Variants in SCARA5 observed in about 807,000 individuals in gnomAD.
The protein encoded by SCARA5 is scavenger receptor class A member 5, also known as scavenger receptor class A, member 5 (putative).
In SCARA5, 45 loss-of-function variants were observed where a neutral mutation model predicts 46.3. The ratio of observed to expected loss-of-function variants is 0.97; its 90% CI spans 0.76 to 1.24. The LOEUF is 1.24. Ranked by LOEUF, SCARA5 falls within the 50% of genes most tolerant of loss-of-function variation. The pLI is 0.00. For missense variants in SCARA5, 680 were observed against 689.0 expected, an observed-to-expected ratio of 0.99 and a Z score of 0.15; for synonymous variants, 333 against 306.5, an observed-to-expected ratio of 1.09 and a Z score of -0.90.
intron 2 of SCARA5, among the ~76,000 whole-genome samples, chr8:27,982,477 A>T (rs981067289): frequency 6.6e-6 from 1 of 152,122 alleles, no homozygotes; most frequent in African/African-American, 2.4e-5. Context: ...AGGCCGCTAG[A>T]GGCAGCTTGG....
chr8:27,942,978 G>A (rs1177179258), intron 3 of SCARA5, among the ~76,000 whole-genome samples: 1 of 152,152 alleles, frequency 6.6e-6, no homozygotes, highest in African/African-American at 2.4e-5. Flanking sequence ...TCTCAGATGA[G>A]AGTAAGAAGC....
chr8:27,897,085 C>T (rs1020434852), intron 7 of SCARA5, among the ~76,000 whole-genome samples: 1 of 85,448 alleles, frequency 1.2e-5, no homozygotes, highest in Non-Finnish European at 3.2e-5. Flanking sequence ...GAGTGAGACT[C>T]GGTCTCAAAA....
At chr8:27,906,875 T>C (rs1226131440) in intron 6 of SCARA5, among the ~76,000 whole-genome samples, 2 of 152,176 alleles carry the variant, frequency 1.3e-5, no homozygotes, top group Non-Finnish European at 1.5e-5. Context: ...AATTATTTTA[T>C]ATTTTGTAGA....
At chr8:27,903,554 G>A (rs190258256) in intron 7 of SCARA5, 4 of 152,372 alleles carry the variant, frequency 2.6e-5, no homozygotes, top group East Asian at 1.9e-4. Context: ...CATGGTTATC[G>A]CCCATGTGGG....
intron 3 of SCARA5, among the ~76,000 whole-genome samples, chr8:27,923,340 G>C (rs1183289395): frequency 6.6e-6 from 1 of 152,258 alleles, no homozygotes; most frequent in South Asian, 2.1e-4. Flanking sequence ...GTGTTCTCAC[G>C]ACTTCTGATA....
intron 3 of SCARA5, among the ~76,000 whole-genome samples, chr8:27,925,370 A>G (rs1314372595): frequency 2.6e-5 from 4 of 152,244 alleles, no homozygotes; most frequent in African/African-American, 9.6e-5. Flanking sequence ...CAAACCTGAC[A>G]AAAACAAGAA....
At chr8:27,971,418 G>C (rs1808446187) in intron 2 of SCARA5, among the ~76,000 whole-genome samples, 1 of 152,270 alleles carries the variant, frequency 6.6e-6, no homozygotes, top group Non-Finnish European at 1.5e-5. Context: ...TTATAAATTT[G>C]AAAACAGTGA....
chr8:27,958,740 T>A (rs762635290), intron 3 of SCARA5, among the ~76,000 whole-genome samples: 4 of 152,160 alleles, frequency 2.6e-5, no homozygotes, highest in Non-Finnish European at 5.9e-5. Flanking sequence ...GCTGACAAGA[T>A]CTGCATTTAA....
intron 2 of SCARA5, among the ~76,000 whole-genome samples, chr8:27,982,798 G>A (rs532524317): frequency 6.6e-6 from 1 of 152,246 alleles, no homozygotes; most frequent in Non-Finnish European, 1.5e-5. Flanking sequence ...CTCAGGGAGG[G>A]GACAGAGAAC....
intron 4 of SCARA5, 37 bp from the exon 5 acceptor site, chr8:27,909,780 C>T (rs1807342925): frequency 2.1e-6 from 3 of 1,438,252 alleles, no homozygotes; most frequent in Admixed American, 2.0e-5. Context: ...TTAGGGGGCT[C>T]CCTTCTGAAA....
chr8:27,984,945 A>C (rs1172084278), intron 2 of SCARA5, among the ~76,000 whole-genome samples: 1 of 152,078 alleles, frequency 6.6e-6, no homozygotes, highest in Non-Finnish European at 1.5e-5. Flanking sequence ...CCATCCATTC[A>C]TTCATCCATC....
chr8:27,938,294 C>A (rs2726958), intron 3 of SCARA5, among the ~76,000 whole-genome samples: 7,735 of 152,148 alleles, frequency 0.051, 264 homozygotes, highest in Non-Finnish European at 0.076. Flanking sequence ...CTTATCACTT[C>A]TGAACTGTGT....
intron 4 of SCARA5, among the ~76,000 whole-genome samples, chr8:27,915,476 G>A (rs907265792): frequency 3.3e-5 from 5 of 152,148 alleles, no homozygotes; most frequent in Non-Finnish European, 7.4e-5. Flanking sequence ...GAACAGAAAG[G>A]CCACTTTACC....
rs1178038711 is a variant in SCARA5, at chr8:27,921,601, TG to T, written c.885del (p.Ile296SerfsTer96). On this transcript the variant is annotated frameshift_variant, in exon 4 of 9. Coordinates refer to ENST00000354914, the MANE Select transcript of SCARA5 (RefSeq NM_173833.6). LOFTEE classifies it high-confidence loss of function. ...EDLRLKDWEH[S>X]IALRNISLAK... ...GCGAGGGAGATGTTCCGCAGTGCGA[TG>T]GAGTGCTCCCAGTCCTTGAGGCGCA... The T allele has an allele frequency of 6.3e-7, 1 of 1,584,284 alleles. No homozygotes were observed. Among genetic ancestry groups the T allele is most frequent in the Non-Finnish European group, 8.6e-7 (1 of 1,163,160 alleles).
intron 7 of SCARA5, among the ~76,000 whole-genome samples, chr8:27,886,750 G>A (rs1271723008): frequency 6.6e-6 from 1 of 152,154 alleles, no homozygotes; most frequent in Non-Finnish European, 1.5e-5. Context: ...CTTTTTCCCG[G>A]CAGTTTCTGC....
chr8:27,912,389 A>C (rs1807392519), intron 4 of SCARA5, among the ~76,000 whole-genome samples: 1 of 152,232 alleles, frequency 6.6e-6, no homozygotes, highest in Non-Finnish European at 1.5e-5. Flanking sequence ...CAGGGAAAAA[A>C]GTAGTCAACA....
intron 2 of SCARA5, among the ~76,000 whole-genome samples, chr8:27,970,900 C>T (rs767303323): frequency 6.6e-6 from 1 of 152,086 alleles, no homozygotes; most frequent in African/African-American, 2.4e-5. Flanking sequence ...AAAAAAAACC[C>T]ACTACTTCCT....
At chr8:27,890,983 T>A (rs560329089) in intron 7 of SCARA5, among the ~76,000 whole-genome samples, 2 of 152,212 alleles carry the variant, frequency 1.3e-5, no homozygotes, top group African/African-American at 2.4e-5. Context: ...AGAGACTGGA[T>A]GGGCAGGGCC....
intron 3 of SCARA5, among the ~76,000 whole-genome samples, chr8:27,963,920 T>A (rs779284818): frequency 6.6e-6 from 1 of 152,110 alleles, no homozygotes; most frequent in Non-Finnish European, 1.5e-5. Flanking sequence ...GTTTTAAGAA[T>A]GGTTTAAATG....
Sources: allele counts gnomAD v4.1 joint callset (sites outside exome capture counted in the v4.1 genomes callset), GRCh38; gene constraint gnomAD v4.1.1; transcripts MANE v1.5; gene names NCBI Gene and HGNC (gene_info 2026-07-23, HGNC 2026-07-21).